The following TPMT variants were observed in gnomAD, a reference collection of about 807,000 sequenced individuals.
TPMT encodes the protein thiopurine S-methyltransferase, also known as S-adenosyl-L-methionine:thiopurine S-methyltransferase.
Under a neutral mutation model 34.2 loss-of-function variants are expected in TPMT, and 18 were observed. The observed-to-expected ratio is 0.53, with a 90% confidence interval of 0.36 to 0.78. The LOEUF is 0.78. TPMT is among the 30% of genes least tolerant of loss of function. The probability of loss-of-function intolerance (pLI) is 0.00; values close to 1 mark genes in which losing one functional copy is unlikely to be tolerated. For synonymous variants in TPMT, 69 were observed against 92.4 expected (o/e 0.75, Z 1.45); for missense variants, 265 against 288.1 (o/e 0.92, Z 0.58).
chr6:18,132,551 A>C lies in TPMT; in HGVS notation c.581-374T>G, dbSNP rs12111497. On this transcript the variant is annotated intron_variant, in intron 7 of 8. Coordinates refer to ENST00000309983, the MANE Select transcript of TPMT (RefSeq NM_000367.5). The surrounding 1 kb of genome is among the most constrained non-coding windows in gnomAD (Gnocchi z 4.8). ...GCTCTGCTGCAGGATATAGAGTATA[A>C]GGAAGCTGAGCTTCCGCCCCCTTCT... Among the ~76,000 whole-genome samples, 1,233 of 152,234 alleles carry C rather than the reference A, an allele frequency of 8.1e-3. 17 individuals are homozygous for C. Among genetic ancestry groups the C allele is most frequent in the African/African-American group, 0.028 (1,183 of 41,526 alleles).
chr6:18,141,473 A>G (rs1348717423), intron 4 of TPMT, among the ~76,000 whole-genome samples: 4 of 151,494 alleles, frequency 2.6e-5, no homozygotes, highest in African/African-American at 7.3e-5. Context: ...CAGAGTAGCT[A>G]GGATTATAGG....
chr6:18,132,521 C>T lies in TPMT; in HGVS notation c.581-344G>A, dbSNP rs1783965318. Among the ~76,000 whole-genome samples, 1 of 152,086 alleles carries T rather than the reference C, an allele frequency of 6.6e-6. No individual in the cohort carries two copies. Among genetic ancestry groups the T allele is most frequent in the Non-Finnish European group, 1.5e-5 (1 of 68,036 alleles). ...GCACTCACCCACATTTTATACACCC[C>T]TCCCGCTCTGCTGCAGGATATAGAG... On this transcript the variant is annotated intron_variant, in intron 7 of 8. Coordinates refer to ENST00000309983, the MANE Select transcript of TPMT (RefSeq NM_000367.5). The surrounding 1 kb of genome is among the most constrained non-coding windows in gnomAD (Gnocchi z 4.8).
At position 18,131,640 on chromosome 6, in the gene TPMT, C is replaced by A. The variant is rs553055188; in HGVS notation, c.625+493G>T. ...TCTAGAAAAGTTCAAATACCTTTAA[C>A]ATAGAGCATATAGCATATATACAGA... On this transcript the variant is annotated intron_variant, in intron 8 of 8. Coordinates refer to ENST00000309983, the MANE Select transcript of TPMT (RefSeq NM_000367.5). This position sits in a 1 kb window ranked among gnomAD's most constrained non-coding sequence, Gnocchi z 4.3. 6.6e-6 allele frequency among the ~76,000 whole-genome samples: 1 copy of A among 152,192 alleles called. No homozygotes were observed. The highest frequency in any genetic ancestry group is 6.5e-5 in the Admixed American group (1 of 15,274).
At chr6:18,133,047 G>A (rs865813561) in intron 7 of TPMT, among the ~76,000 whole-genome samples, 3 of 152,182 alleles carry the variant, frequency 2.0e-5, no homozygotes, top group Middle Eastern at 3.4e-3. Flanking sequence ...GAGCCGAGAT[G>A]AAACCACTGC....
chr6:18,132,045 G>A lies in TPMT; in HGVS notation c.625+88C>T. The stretch of plus-strand genomic sequence containing the variant: ...GCCCACCTTGGCCTCCCAAAGTGCT[G>A]GAAATACAGGCATGAGCCAGCACGC... On this transcript the variant is annotated intron_variant, in intron 8 of 8. Coordinates refer to ENST00000309983, the MANE Select transcript of TPMT (RefSeq NM_000367.5). This position sits in a 1 kb window ranked among gnomAD's most constrained non-coding sequence, Gnocchi z 4.8. 2 of 1,462,762 alleles carry A rather than the reference G, an allele frequency of 1.4e-6. No individual in the cohort carries two copies. Among genetic ancestry groups the A allele is most frequent in the South Asian group, 2.3e-5 (2 of 87,656 alleles). 90.6% of individuals were successfully genotyped at this position (1,462,762 alleles called of 1,614,324 possible). A position where few individuals can be genotyped will look rare whatever the true frequency, so the allele number is the denominator to read the frequency against.
chr6:18,139,171 A>AG lies in TPMT; in HGVS notation c.420-135dup. 5 of 843,660 alleles carry AG rather than the reference A, an allele frequency of 5.9e-6. No homozygotes were observed. Among genetic ancestry groups the AG allele is most frequent in the Non-Finnish European group, 8.0e-6 (4 of 497,422 alleles). 52.3% of individuals were successfully genotyped at this position (843,660 alleles called of 1,614,324 possible). On this transcript the variant is annotated intron_variant, in intron 5 of 8. Coordinates refer to ENST00000309983, the MANE Select transcript of TPMT (RefSeq NM_000367.5). The surrounding 1 kb of genome is among the most constrained non-coding windows in gnomAD (Gnocchi z 4.2). ...GGATCTCACGTCTGCGTTTCCTCCT[A>AG]GAGGAATGTGTGGACCTGGGTGTGG...
chr6:18,149,141 C>A lies in TPMT; in HGVS notation c.-14G>T. ...TGTACCATCCATAGTTTCAGAGACA[C>A]CTTTGTCTCACAAGCATATGTCTTC... On this transcript the variant is annotated 5_prime_UTR_variant, in exon 2 of 9. Coordinates refer to ENST00000309983, the MANE Select transcript of TPMT (RefSeq NM_000367.5). This position sits in a 1 kb window ranked among gnomAD's most constrained non-coding sequence, Gnocchi z 5.0. 6.2e-7 allele frequency: 1 copy of A among 1,613,954 alleles called. No individual in the cohort carries two copies. The highest frequency in any genetic ancestry group is 8.5e-7 in the Non-Finnish European group (1 of 1,180,004).
chr6:18,134,418 T>G (rs188473724), intron 6 of TPMT, among the ~76,000 whole-genome samples: 15 of 152,022 alleles, frequency 9.9e-5, no homozygotes, highest in Non-Finnish European at 1.5e-4. Flanking sequence ...GAAAACACAA[T>G]TTTTTTCCTC....
chr6:18,147,745 A>T, intron 3 of TPMT, 78 bp downstream of exon 3: 1 of 1,353,794 alleles, frequency 7.4e-7, no homozygotes, highest in Non-Finnish European at 1.1e-6. Context: ...TGGAGTTTTA[A>T]AACTCACATC....
chr6:18,149,261 G>T lies in TPMT; in HGVS notation c.-44-90C>A. The T allele has an allele frequency of 8.7e-7, 1 of 1,146,040 alleles. No individual in the cohort carries two copies. Among genetic ancestry groups the T allele is most frequent in the Non-Finnish European group, 1.3e-6 (1 of 794,112 alleles). 71.0% of individuals were successfully genotyped at this position (1,146,040 alleles called of 1,614,324 possible). A position where few individuals can be genotyped will look rare whatever the true frequency, so the allele number is the denominator to read the frequency against. On this transcript the variant is annotated intron_variant, in intron 1 of 8. Transcript: ENST00000309983. This position sits in a 1 kb window ranked among gnomAD's most constrained non-coding sequence, Gnocchi z 5.0. The stretch of plus-strand genomic sequence containing the variant: ...GAAAACCTATTATTCTTAGCAGTAT[G>T]ACTTTTTAAAAATATTTCTTTCTTT...
rs554418309 is a variant in TPMT at position 18,147,537 on chromosome 6, A to G, written c.233+286T>C. On this transcript the variant is annotated intron_variant, in intron 3 of 8. Transcript: ENST00000309983. ...ACCACCTACAAAAACTGAACCACATACAAGGATCCAGGAAATGTAAAAGGG... is the reference window on the plus strand; with the variant it reads ...ACCACCTACAAAAACTGAACCACATGCAAGGATCCAGGAAATGTAAAAGGG... 5.3e-4 allele frequency among the ~76,000 whole-genome samples: 81 copies of G among 152,350 alleles called. No homozygotes were observed. The East Asian group carries it at 9.4e-3, about 18-fold the overall frequency.
Position 18,139,651 on chromosome 6 carries a change from A to G in TPMT, c.419+14T>C, listed in dbSNP as rs371133124. The G allele has an allele frequency of 1.6e-5, 26 of 1,608,952 alleles. No homozygotes were observed. The highest frequency in any genetic ancestry group is 2.2e-5 in the Non-Finnish European group (26 of 1,175,562). On this transcript the variant is annotated intron_variant, in intron 5 of 8. Transcript: ENST00000309983. This position sits in a 1 kb window ranked among gnomAD's most constrained non-coding sequence, Gnocchi z 4.2. ...TTCAAATTTTTTAAAGTGCAGATGT[A>G]GTATTCAACCTACCTGGGAAGATCA...
chr6:18,140,966 C>G lies in TPMT; in HGVS notation c.367-1249G>C, dbSNP rs116315905. Among the ~76,000 whole-genome samples the G allele has an allele frequency of 6.6e-6, 1 of 152,166 alleles. No homozygotes were observed. The highest frequency in any genetic ancestry group is 1.5e-5 in the Non-Finnish European group (1 of 68,040). ...GTAGAGGAGGAAGGGTCTTTGACAA[C>G]CAGCCTGGGATCACTGGGTCAGCCC... On this transcript the variant is annotated intron_variant, in intron 4 of 8. Coordinates refer to ENST00000309983, the MANE Select transcript of TPMT (RefSeq NM_000367.5). The surrounding 1 kb of genome is among the most constrained non-coding windows in gnomAD (Gnocchi z 4.7).
In TPMT at chr6:18,146,180, C is replaced by T. The variant is rs115368110; in HGVS notation, c.233+1643G>A. On this transcript the variant is annotated intron_variant, in intron 3 of 8. Coordinates refer to ENST00000309983, the MANE Select transcript of TPMT (RefSeq NM_000367.5). The surrounding 1 kb of genome is among the most constrained non-coding windows in gnomAD (Gnocchi z 6.2). The stretch of plus-strand genomic sequence containing the variant: ...GTAGCTCAGTTCATATATATATATA[C>T]ATAAAAATAACTGTATTTACGTATA... Among the ~76,000 whole-genome samples the T allele has an allele frequency of 0.057, 8,553 of 151,166 alleles. 310 individuals carry two copies. Among genetic ancestry groups the T allele is most frequent in the African/African-American group, 0.1 (4,218 of 41,004 alleles).
chr6:18,152,468 C>CT (rs1402939325), intron 1 of TPMT, among the ~76,000 whole-genome samples: 3 of 152,104 alleles, frequency 2.0e-5, no homozygotes, highest in African/African-American at 7.2e-5. Flanking sequence ...TCTACAGCTT[C>CT]TTTTTTTGCA....
chr6:18,144,335 T>G (rs1286010621), intron 3 of TPMT, among the ~76,000 whole-genome samples: 2 of 152,198 alleles, frequency 1.3e-5, no homozygotes, highest in Non-Finnish European at 2.9e-5. Context: ...ATTTGTATAT[T>G]TTATCATATA....
Position 18,143,744 on chromosome 6 carries a change from C to G in TPMT, c.234-16G>C, listed in dbSNP as rs373715521. 3.7e-6 allele frequency: 6 copies of G among 1,613,624 alleles called. No homozygotes were observed. The highest frequency in any genetic ancestry group is 5.1e-6 in the Non-Finnish European group (6 of 1,179,876). ...GTCTGCAAACCTGCATAAAATCATA[C>G]ATTTACACTTAAATTATGTTTTCAA... is the stretch of plus-strand genomic sequence containing the variant. On this transcript the variant is annotated splice_polypyrimidine_tract_variant and intron_variant, in intron 3 of 8. Transcript: ENST00000309983. This position sits in a 1 kb window ranked among gnomAD's most constrained non-coding sequence, Gnocchi z 6.1.
rs548487226 is a variant in TPMT at position 18,139,919 on chromosome 6, T to A, written c.367-202A>T. 6.6e-6 allele frequency among the ~76,000 whole-genome samples: 1 copy of A among 152,226 alleles called. No homozygotes were observed. Among genetic ancestry groups the A allele is most frequent in the Admixed American group, 6.5e-5 (1 of 15,284 alleles). On this transcript the variant is annotated intron_variant, in intron 4 of 8. Transcript: ENST00000309983. The surrounding 1 kb of genome is among the most constrained non-coding windows in gnomAD (Gnocchi z 4.2). ...CTGTGCGAGGTTCTTTTGGGCCAAC[T>A]CAGAGGAATATCACAGAGGACAACT...
intron 7 of TPMT, 29 bp downstream of exon 7, chr6:18,133,775 A>AG: frequency 2.2e-6 from 3 of 1,380,906 alleles, no homozygotes; most frequent in Non-Finnish European, 2.9e-6. Flanking sequence ...CAACTGGTAA[A>AG]AGAAAAAAAA....
Sources: gnomAD v4.1 joint callset for allele counts (sites outside exome capture counted in the v4.1 genomes callset) on GRCh38, gnomAD v4.1.1 for gene constraint, Gnocchi (gnomAD v3.1) non-coding constraint, MANE v1.5 for transcripts, NCBI Gene and HGNC (gene_info 2026-07-23, HGNC 2026-07-21) for gene names.